Variants in TBCK observed in about 807,000 individuals in gnomAD.
TBCK encodes TBC1 domain containing kinase, also known as TBC domain-containing protein kinase-like protein.
A neutral mutation model predicts 113.4 loss-of-function variants in TBCK; 99 were observed. The ratio of observed to expected loss-of-function variants is 0.87; its 90% confidence interval spans 0.74 to 1.03. TBCK has a LOEUF of 1.03. TBCK is among the 50% of genes least tolerant of loss of function. The pLI is 0.00. For missense variants in TBCK, 1,045 were observed against 1,061.3 expected (o/e 0.98, Z 0.21); for synonymous variants, 369 against 370.8 (o/e 1.00, Z 0.05).
intron 2 of TBCK, among the ~76,000 whole-genome samples, chr4:106,298,212 C>T (rs1766518834): frequency 6.6e-6 from 1 of 152,148 alleles, no homozygotes; most frequent in Non-Finnish European, 1.5e-5. Context: ...CTGCAGTTTC[C>T]AAACATTTTA....
At chr4:106,181,921 T>A (rs773595114) in intron 22 of TBCK, among the ~76,000 whole-genome samples, 1 of 152,184 alleles carries the variant, frequency 6.6e-6, no homozygotes, top group Non-Finnish European at 1.5e-5. Context: ...ATTGGTAGCT[T>A]GATGGGGATA....
chr4:106,125,009 A>C (rs1191171461), intron 23 of TBCK, among the ~76,000 whole-genome samples: 4 of 152,144 alleles, frequency 2.6e-5, no homozygotes, highest in South Asian at 2.1e-4. Flanking sequence ...AAAAAAAAAA[A>C]AAAAAACACA....
At chr4:106,249,349 T>A (rs1246407808) in intron 7 of TBCK, among the ~76,000 whole-genome samples, 1 of 152,176 alleles carries the variant, frequency 6.6e-6, no homozygotes, top group Non-Finnish European at 1.5e-5. Flanking sequence ...CACTTATATG[T>A]GGATTGTTTC....
Position 106,171,163 on chromosome 4 carries a change from T to A in TBCK, c.2167A>T (p.Ser723Cys). ...HAQPPKPSSD[S>C]SGGRSSAPYF... is the part of the protein sequence containing the mutation. Reference sequence around the variant, plus strand: ...GGTGCCGAACTTCTGCCTCCACTGCTGTCAGAAGATGGCTTTGGAGGTTGA... The same window carrying A: ...GGTGCCGAACTTCTGCCTCCACTGCAGTCAGAAGATGGCTTTGGAGGTTGA... Residue 723 changes from serine to cysteine, a missense_variant, in exon 23 of 26, where the codon AGC becomes TGC. Transcript: ENST00000394708. 6.2e-7 allele frequency: 1 copy of A among 1,612,948 alleles called. No homozygotes were observed. The highest frequency in any genetic ancestry group is 8.5e-7 in the Non-Finnish European group (1 of 1,179,388).
chr4:106,248,336 T>A, intron 8 of TBCK, 30 bp from the exon 9 acceptor site: 1 of 1,414,440 alleles, frequency 7.1e-7, no homozygotes. Context: ...AATAATTAAT[T>A]AAAATGATCA....
chr4:106,297,688 G>A (rs1012443489), intron 2 of TBCK: 1 of 152,048 alleles, frequency 6.6e-6, no homozygotes, highest in Non-Finnish European at 1.5e-5. Flanking sequence ...TCTTCCTTCT[G>A]GCCTCCTGCC....
intron 3 of TBCK, among the ~76,000 whole-genome samples, chr4:106,271,509 T>C (rs1197457317): frequency 6.6e-6 from 1 of 152,096 alleles, no homozygotes; most frequent in African/African-American, 2.4e-5. Flanking sequence ...CCCAGCACTT[T>C]GGGAGGCCAA....
At chr4:106,216,979 C>G (rs370299462) in intron 19 of TBCK, among the ~76,000 whole-genome samples, 4 of 152,234 alleles carry the variant, frequency 2.6e-5, no homozygotes, top group African/African-American at 9.6e-5. Context: ...TAAAATACTG[C>G]CAAACCAAAT....
intron 3 of TBCK, among the ~76,000 whole-genome samples, chr4:106,264,309 T>G (rs528036366): frequency 3.9e-5 from 6 of 151,958 alleles, no homozygotes; most frequent in African/African-American, 7.2e-5. Context: ...GTGACACTTA[T>G]GTAGAAATCT....
intron 23 of TBCK, among the ~76,000 whole-genome samples, chr4:106,136,360 T>TG (rs1746554010): frequency 7.1e-6 from 1 of 141,332 alleles, no homozygotes; most frequent in African/African-American, 2.5e-5. Flanking sequence ...CACTGCAACT[T>TG]GGTTTCTGTC....
At chr4:106,280,866 C>T (rs1225334659) in intron 3 of TBCK, among the ~76,000 whole-genome samples, 1 of 152,006 alleles carries the variant, frequency 6.6e-6, no homozygotes, top group Non-Finnish European at 1.5e-5. Flanking sequence ...TTGAATCCTC[C>T]AGTTTCATTC....
intron 25 of TBCK, among the ~76,000 whole-genome samples, chr4:106,067,197 T>C (rs771809773): frequency 2.2e-4 from 33 of 152,136 alleles, no homozygotes; most frequent in Non-Finnish European, 4.6e-4. Flanking sequence ...GCTATCTCAC[T>C]GTGGTTTTAA....
rs1433203998 is a variant in TBCK, at chr4:106,043,853, T to C, written c.*2717A>G. ...TCATCGTGTAGGAATCAATAATACA[T>C]TAAAAAGGAACTCAAATAAATCCTG... On this transcript the variant is annotated 3_prime_UTR_variant, in exon 26 of 26. Transcript: ENST00000394708. 6.6e-6 allele frequency: 1 copy of C among 151,964 alleles called. No individual in the cohort carries two copies. The highest frequency in any genetic ancestry group is 1.5e-5 in the Non-Finnish European group (1 of 67,988). 9.4% of individuals were successfully genotyped at this position (151,964 alleles called of 1,614,324 possible).
chr4:106,131,845 C>G (rs909175012), intron 23 of TBCK, among the ~76,000 whole-genome samples: 4 of 152,058 alleles, frequency 2.6e-5, no homozygotes, highest in Non-Finnish European at 5.9e-5. Context: ...AAGGTCCAGG[C>G]TGAGGTAGTC....
chr4:106,262,404 CAG>C (rs1404114419), intron 3 of TBCK, among the ~76,000 whole-genome samples, 192 bp from the exon 4 acceptor site: 3 of 152,064 alleles, frequency 2.0e-5, no homozygotes, highest in Admixed American at 1.3e-4. Flanking sequence ...CTGATTATAA[CAG>C]AATTAATCTG....
intron 3 of TBCK, among the ~76,000 whole-genome samples, chr4:106,276,206 A>G (rs1041717123): frequency 2.0e-5 from 3 of 152,216 alleles, no homozygotes; most frequent in African/African-American, 7.2e-5. Context: ...AGGCAACTGG[A>G]TATCAGTATG....
At position 106,258,873 on chromosome 4, in the gene TBCK, C is replaced by T. The variant is rs192348140; in HGVS notation, c.455+1564G>A. ...AAAACCCCTTTCATATTCGAAAGGG[C>T]TTTTTTGAACAAATAAGAAATTGTA... On this transcript the variant is annotated intron_variant, in intron 5 of 25. Transcript: ENST00000394708. 8.3e-4 allele frequency among the ~76,000 whole-genome samples: 126 copies of T among 151,860 alleles called. 3 individuals carry two copies. Among genetic ancestry groups the T allele is most frequent in the South Asian group, 7.9e-3 (38 of 4,816 alleles).
At chr4:106,147,974 G>C (rs1430617072) in intron 23 of TBCK, among the ~76,000 whole-genome samples, 2 of 152,138 alleles carry the variant, frequency 1.3e-5, no homozygotes, top group Non-Finnish European at 1.5e-5. Context: ...CTCTGAACTG[G>C]CCCCCCTGGG....
rs1056807281 is a variant in TBCK at position 106,236,817 on chromosome 4, T to G, written c.1171-9A>C. 1.8e-5 allele frequency: 26 copies of G among 1,483,256 alleles called. No homozygotes were observed. Among genetic ancestry groups the G allele is most frequent in the African/African-American group, 4.3e-5 (3 of 69,056 alleles). The allele number at this position is 1,483,256 out of a possible 1,614,324, so 91.9% of individuals were successfully genotyped here. A position where few individuals can be genotyped will look rare whatever the true frequency, so the allele number is the denominator to read the frequency against. ...CCAACATCTTTCAATCTCTGTGTAT[T>G]TAAAGACAAAATATTTATGTATAAA... is the stretch of plus-strand genomic sequence containing the variant. On this transcript the variant is annotated splice_polypyrimidine_tract_variant and intron_variant, in intron 12 of 25. Transcript: ENST00000394708.
Sources: gnomAD v4.1 joint callset for allele counts (sites outside exome capture counted in the v4.1 genomes callset) on GRCh38, gnomAD v4.1.1 for gene constraint, MANE v1.5 for transcripts, NCBI Gene and HGNC (gene_info 2026-07-23, HGNC 2026-07-21) for gene names.